The following GALNT13 variants were observed in gnomAD, a reference collection of about 807,000 sequenced individuals.
GALNT13 encodes the protein UDP-GalNAc:polypeptide N-acetylgalactosaminyltransferase 13.
GALNT13 carries 28 observed loss-of-function variants against 64.2 expected under a neutral mutation model. The ratio of observed to expected loss-of-function variants is 0.44; its 90% CI spans 0.32 to 0.60. GALNT13 has a LOEUF of 0.60. Ranked by LOEUF, GALNT13 falls within the 20% of genes least tolerant of loss-of-function variation. GALNT13 has a pLI of 0.05. For synonymous variants in GALNT13, 214 were observed against 224.6 expected, an observed-to-expected ratio of 0.95 and a Z score of 0.42; for missense variants, 577 against 669.8, an observed-to-expected ratio of 0.86 and a Z score of 1.53.
At chr2:154,135,906 T>A (rs1682924519) in intron 3 of GALNT13, among the ~76,000 whole-genome samples, 1 of 152,132 alleles carries the variant, frequency 6.6e-6, no homozygotes, top group African/African-American at 2.4e-5. Context: ...CAAAAGAGCA[T>A]GATCTGGGTA....
intron 3 of GALNT13, among the ~76,000 whole-genome samples, chr2:154,089,590 A>T (rs1021969634): frequency 6.6e-6 from 1 of 151,910 alleles, no homozygotes. Context: ...AAGAGAAGAT[A>T]CCACCTCTCT....
At chr2:153,553,293 G>C in the GALNT13 span, among the ~76,000 whole-genome samples, 2 of 152,074 alleles carry the variant, frequency 1.3e-5, no homozygotes, top group Non-Finnish European at 2.9e-5. Context: ...GAGCCTAGGA[G>C]TTTGCGACCA....
chr2:154,420,311 A>G (rs1008174086), intron 11 of GALNT13, among the ~76,000 whole-genome samples: 1 of 152,096 alleles, frequency 6.6e-6, no homozygotes, highest in Non-Finnish European at 1.5e-5. Flanking sequence ...CCTGTTATAT[A>G]CAGATGGACT....
At chr2:153,304,655 G>A in the GALNT13 span, among the ~76,000 whole-genome samples, 2 of 151,766 alleles carry the variant, frequency 1.3e-5, no homozygotes, top group Admixed American at 6.6e-5. Flanking sequence ...ATCTTGGAGA[G>A]GGAGGTGTTA....
chr2:153,351,923 T>A, the GALNT13 span, among the ~76,000 whole-genome samples: 1 of 152,198 alleles, frequency 6.6e-6, no homozygotes, highest in African/African-American at 2.4e-5. Flanking sequence ...ATAAATATCA[T>A]GTGCAAGTTT....
the GALNT13 span, among the ~76,000 whole-genome samples, chr2:153,544,471 T>C: frequency 6.6e-6 from 1 of 152,206 alleles, no homozygotes; most frequent in African/African-American, 2.4e-5. Context: ...GAATTTAATG[T>C]TTTAATTACT....
At chr2:153,185,653 G>A in the GALNT13 span, among the ~76,000 whole-genome samples, 4 of 151,888 alleles carry the variant, frequency 2.6e-5, no homozygotes, top group South Asian at 8.3e-4. Flanking sequence ...TCTGGTACAC[G>A]GTCTCTTTGT....
At chr2:154,398,711 C>CT (rs965695982) in intron 10 of GALNT13, among the ~76,000 whole-genome samples, 1 of 152,170 alleles carries the variant, frequency 6.6e-6, no homozygotes, top group African/African-American at 2.4e-5. Flanking sequence ...AGTATCCTCT[C>CT]TACTACCTCT....
chr2:153,245,199 C>G, the GALNT13 span, among the ~76,000 whole-genome samples: 1 of 152,240 alleles, frequency 6.6e-6, no homozygotes, highest in African/African-American at 2.4e-5. Flanking sequence ...GCACAGCTTC[C>G]TCAGACTTAA....
chr2:153,772,487 C>T, the GALNT13 span, among the ~76,000 whole-genome samples: 234 of 152,258 alleles, frequency 1.5e-3, 1 homozygote, highest in South Asian at 0.015. Flanking sequence ...AATGCCATCA[C>T]GGGGCTGCTT....
chr2:153,618,311 T>A, the GALNT13 span, among the ~76,000 whole-genome samples: 1 of 152,102 alleles, frequency 6.6e-6, no homozygotes, highest in African/African-American at 2.4e-5. Context: ...TGGTCTAATT[T>A]CCATGTATTT....
At chr2:154,098,220 A>G (rs942464076) in intron 3 of GALNT13, among the ~76,000 whole-genome samples, 1 of 151,560 alleles carries the variant, frequency 6.6e-6, no homozygotes. Context: ...CAGCTGAGTG[A>G]TAATTCAGAT....
At chr2:154,250,481 AT>A (rs747412147) in intron 7 of GALNT13, among the ~76,000 whole-genome samples, 5 of 151,856 alleles carry the variant, frequency 3.3e-5, no homozygotes, top group Non-Finnish European at 5.9e-5. Flanking sequence ...TTGCACTTCA[AT>A]TTTTTTATCA....
the GALNT13 span, among the ~76,000 whole-genome samples, chr2:153,082,614 TATATACACACACACACACACACACACAC>T: frequency 1.2e-3 from 39 of 31,298 alleles, no homozygotes; most frequent in African/African-American, 5.1e-3. Flanking sequence ...TATATATATA[TATATACACACACACACACACACACACAC>T]ACACACACAC....
At chr2:153,587,388 C>A in the GALNT13 span, among the ~76,000 whole-genome samples, 1 of 152,116 alleles carries the variant, frequency 6.6e-6, no homozygotes, top group Non-Finnish European at 1.5e-5. Flanking sequence ...TAAAAACATA[C>A]CTGATATTGG....
At chr2:153,539,290 TA>T in the GALNT13 span, among the ~76,000 whole-genome samples, 1 of 152,152 alleles carries the variant, frequency 6.6e-6, no homozygotes, top group African/African-American at 2.4e-5. Context: ...TTCTGGACAT[TA>T]GCCCTTTGTC....
At chr2:154,212,152 G>A (rs1020232520) in intron 4 of GALNT13, among the ~76,000 whole-genome samples, 17 of 152,268 alleles carry the variant, frequency 1.1e-4, no homozygotes, top group African/African-American at 3.6e-4. Flanking sequence ...AGGAAGTGTA[G>A]GCAACTTTTC....
chr2:153,397,545 C>A, the GALNT13 span, among the ~76,000 whole-genome samples: 19 of 151,674 alleles, frequency 1.3e-4, no homozygotes, highest in Non-Finnish European at 4.4e-5. Flanking sequence ...TTTTTAGGCT[C>A]CAATATTTTA....
the GALNT13 span, among the ~76,000 whole-genome samples, chr2:153,095,709 T>A: frequency 0.91 from 138,008 of 152,172 alleles, 63,414 homozygotes; most frequent in East Asian, 1. Context: ...ATGCAGCCAT[T>A]AAAAAGGATG....
Sources: allele counts gnomAD v4.1 joint callset (sites outside exome capture counted in the v4.1 genomes callset), GRCh38; gene constraint gnomAD v4.1.1; transcripts MANE v1.5; gene names NCBI Gene and HGNC (gene_info 2026-07-23, HGNC 2026-07-21).